ZBTB20: variants seen among roughly 807,000 people sequenced by gnomAD.
ZBTB20 encodes the protein zinc finger and BTB domain containing 20.
In ZBTB20, 9 loss-of-function variants were observed where a neutral mutation model predicts 56.9. The observed-to-expected ratio is 0.16, with a 90% confidence interval of 0.10 to 0.28. The LOEUF (loss-of-function observed/expected upper bound fraction) is 0.28, where lower values mean the gene tolerates loss of function less well. ZBTB20 is among the 10% of genes least tolerant of loss of function. The pLI, the probability that ZBTB20 is intolerant of heterozygous loss-of-function variation, is 1.00. For missense variants in ZBTB20, 655 were observed against 1,003.0 expected (o/e 0.65, Z 4.69); for synonymous variants, 417 against 420.7 (o/e 0.99, Z 0.11).
intron 6 of ZBTB20, among the ~76,000 whole-genome samples, chr3:114,611,025 T>C (rs2057511030): frequency 6.6e-6 from 1 of 152,176 alleles, no homozygotes; most frequent in Non-Finnish European, 1.5e-5. Context: ...GGATTAGGCA[T>C]ACAACGAAAG....
intron 3 of ZBTB20, among the ~76,000 whole-genome samples, chr3:114,955,655 G>T (rs771110188): frequency 5.3e-5 from 8 of 152,076 alleles, no homozygotes; most frequent in Non-Finnish European, 2.9e-5. Flanking sequence ...ATGATGGTAA[G>T]TCATCATCTT....
chr3:114,426,008 C>T (rs1410820223), intron 7 of ZBTB20, among the ~76,000 whole-genome samples: 2 of 152,070 alleles, frequency 1.3e-5, no homozygotes, highest in African/African-American at 2.4e-5. Context: ...ATATTCTTGG[C>T]CAGCTCCTAA....
intron 5 of ZBTB20, among the ~76,000 whole-genome samples, chr3:114,750,076 A>G (rs1475557521): frequency 6.6e-6 from 1 of 152,216 alleles, no homozygotes; most frequent in African/African-American, 2.4e-5. Context: ...AGGTCAAGCT[A>G]GCTTATGGTT....
intron 3 of ZBTB20, among the ~76,000 whole-genome samples, chr3:114,971,175 G>A (rs963249499): frequency 2.6e-5 from 4 of 152,016 alleles, no homozygotes; most frequent in Admixed American, 6.6e-5. Context: ...ATATTCTAAC[G>A]CTGTTTATTT....
chr3:114,882,288 A>G (rs1390983348), intron 4 of ZBTB20, among the ~76,000 whole-genome samples: 1 of 152,036 alleles, frequency 6.6e-6, no homozygotes, highest in Non-Finnish European at 1.5e-5. Context: ...ATTAGGAAAA[A>G]TTTGCTAAAG....
At chr3:114,903,750 C>T (rs2075215866) in intron 3 of ZBTB20, among the ~76,000 whole-genome samples, 2 of 151,958 alleles carry the variant, frequency 1.3e-5, no homozygotes, top group African/African-American at 4.8e-5. Context: ...AATATAATTA[C>T]TCAACTGGAA....
At chr3:115,089,910 A>G (rs2083125460) in intron 1 of ZBTB20, among the ~76,000 whole-genome samples, 1 of 151,856 alleles carries the variant, frequency 6.6e-6, no homozygotes, top group Non-Finnish European at 1.5e-5. Flanking sequence ...TCCTACATAA[A>G]GTAAGATTAT....
At chr3:114,842,926 G>A (rs888720442) in intron 4 of ZBTB20, among the ~76,000 whole-genome samples, 5 of 152,122 alleles carry the variant, frequency 3.3e-5, no homozygotes, top group Admixed American at 6.5e-5. Flanking sequence ...GTAATCCCAG[G>A]GACCTGGTGG....
intron 10 of ZBTB20, among the ~76,000 whole-genome samples, chr3:114,359,871 A>C (rs1367698891): frequency 1.3e-5 from 2 of 152,236 alleles, no homozygotes; most frequent in African/African-American, 4.8e-5. Context: ...GCATCTTCTT[A>C]CTTGATAATC....
At chr3:114,834,974 A>G (rs1172055554) in intron 4 of ZBTB20, among the ~76,000 whole-genome samples, 1 of 152,142 alleles carries the variant, frequency 6.6e-6, no homozygotes. Flanking sequence ...CAGTGAAAGG[A>G]AAGTTGTTGT....
chr3:114,948,478 A>C (rs1052201771), intron 3 of ZBTB20, among the ~76,000 whole-genome samples: 2 of 146,318 alleles, frequency 1.4e-5, no homozygotes, highest in African/African-American at 2.8e-5. Context: ...AGGTAGAAAT[A>C]AAACTGTAGT....
In ZBTB20 at chr3:114,910,596, T is replaced by C. The variant is rs529194192; in HGVS notation, c.-455-10254A>G. Among the ~76,000 whole-genome samples, 6 of 152,216 alleles carry C rather than the reference T, an allele frequency of 3.9e-5. No individual in the cohort carries two copies. The East Asian group carries it at 1.2e-3, about 29-fold the overall frequency. On this transcript the variant is annotated intron_variant, in intron 3 of 11. Coordinates refer to ENST00000675478, the MANE Select transcript of ZBTB20 (RefSeq NM_001348800.3). The stretch of plus-strand genomic sequence containing the variant: ...CAATAGCTATTATTTATTTAGCTAC[T>C]ACTAAGTGTTTGATAAGAGTTTTGC...
At chr3:114,517,745 T>C (rs2046175183) in intron 6 of ZBTB20, among the ~76,000 whole-genome samples, 1 of 151,960 alleles carries the variant, frequency 6.6e-6, no homozygotes, top group African/African-American at 2.4e-5. Flanking sequence ...CCGGCTAATT[T>C]TTGTATTTTT....
At chr3:114,387,963 A>G (rs565947690) in intron 8 of ZBTB20, 1 of 152,350 alleles carries the variant, frequency 6.6e-6, no homozygotes, top group South Asian at 2.1e-4. Flanking sequence ...ATTAAAGGTA[A>G]AAAAGCAACA....
chr3:114,790,590 CT>C (rs749460108), intron 5 of ZBTB20, among the ~76,000 whole-genome samples: 3,559 of 147,132 alleles, frequency 0.024, 59 homozygotes, highest in African/African-American at 0.043. Flanking sequence ...AATCAGTATA[CT>C]TTTTTTTTTT....
At chr3:115,057,829 T>C (rs2081862903) in intron 2 of ZBTB20, among the ~76,000 whole-genome samples, 1 of 152,202 alleles carries the variant, frequency 6.6e-6, no homozygotes, top group Non-Finnish European at 1.5e-5. Flanking sequence ...ATTTTAAAGA[T>C]GTCTATATTA....
At chr3:114,384,382 G>A (rs2084823334) in intron 8 of ZBTB20, among the ~76,000 whole-genome samples, 1 of 151,740 alleles carries the variant, frequency 6.6e-6, no homozygotes, top group African/African-American at 2.4e-5. Flanking sequence ...GCAAAACTGG[G>A]TGTACCCTGA....
intron 7 of ZBTB20, among the ~76,000 whole-genome samples, chr3:114,438,416 CA>C (rs11405102): frequency 8.3e-6 from 1 of 120,414 alleles, no homozygotes; most frequent in Non-Finnish European, 1.6e-5. Flanking sequence ...CACTCCTTGC[CA>C]AAAAAAAACA....
chr3:114,943,536 T>G (rs2076789309), intron 3 of ZBTB20, among the ~76,000 whole-genome samples: 1 of 145,602 alleles, frequency 6.9e-6, no homozygotes, highest in Non-Finnish European at 1.5e-5. Context: ...CTGGGATTTA[T>G]ATTAAAAACC....
Sources: gnomAD v4.1 joint callset for allele counts (sites outside exome capture counted in the v4.1 genomes callset) on GRCh38, gnomAD v4.1.1 for gene constraint, MANE v1.5 for transcripts, NCBI Gene and HGNC (gene_info 2026-07-23, HGNC 2026-07-21) for gene names.